Variants in ADAM22 observed in about 807,000 individuals in gnomAD.
ADAM22 encodes ADAM metallopeptidase domain 22.
A neutral mutation model predicts 144.6 loss-of-function variants in ADAM22; 65 were observed. The observed-to-expected ratio is 0.45, with a 90% CI of 0.37 to 0.55. The LOEUF (loss-of-function observed/expected upper bound fraction) is 0.55. Ranked by LOEUF, ADAM22 falls within the 20% of genes least tolerant of loss-of-function variation. The pLI is 0.00. For synonymous variants in ADAM22, 391 were observed against 412.6 expected, an observed-to-expected ratio of 0.95 and a Z score of 0.63; for missense variants, 974 against 1,184.9, an observed-to-expected ratio of 0.82 and a Z score of 2.61.
chr7:88,022,267 T>C (rs999869499), intron 3 of ADAM22, among the ~76,000 whole-genome samples: 1 of 152,148 alleles, frequency 6.6e-6, no homozygotes, highest in Non-Finnish European at 1.5e-5. Context: ...TAATGTGACC[T>C]CTGCTTTCTT....
chr7:88,166,014 T>A, intron 24 of ADAM22, 68 bp downstream of exon 24: 1 of 1,062,460 alleles, frequency 9.4e-7, no homozygotes, highest in Non-Finnish European at 1.3e-6. Context: ...TCTGAAAACT[T>A]TTATTTGAGT....
chr7:88,002,726 C>A (rs1382130889), intron 3 of ADAM22, among the ~76,000 whole-genome samples: 1 of 152,122 alleles, frequency 6.6e-6, no homozygotes, highest in Non-Finnish European at 1.5e-5. Context: ...GAAGAAGAAC[C>A]TTTTCCTTTA....
chr7:88,145,323 G>C, intron 16 of ADAM22, 92 bp from the exon 17 acceptor site: 1 of 1,485,984 alleles, frequency 6.7e-7, no homozygotes. Flanking sequence ...AAAAATTATT[G>C]TGAGTTTGTA....
intron 9 of ADAM22, 37 bp from the exon 10 acceptor site, chr7:88,130,350 AC>A: frequency 6.5e-7 from 1 of 1,530,168 alleles, no homozygotes; most frequent in Non-Finnish European, 9.0e-7. Flanking sequence ...TTTTCTGATC[AC>A]TTTGCAAGAC....
At chr7:88,101,407 G>A (rs1822890120) in intron 4 of ADAM22, among the ~76,000 whole-genome samples, 1 of 152,090 alleles carries the variant, frequency 6.6e-6, no homozygotes, top group Admixed American at 6.5e-5. Flanking sequence ...GTTTGGATCT[G>A]GAGGTGCCTA....
chr7:87,934,333 C>A lies in ADAM22; in HGVS notation c.-133C>A. The A allele has an allele frequency of 1.3e-6, 1 of 744,112 alleles. No individual in the cohort carries two copies. The highest frequency in any genetic ancestry group is 2.1e-6 in the Non-Finnish European group (1 of 486,840). The allele number at this position is 744,112 out of a possible 1,614,324, so 46.1% of individuals were successfully genotyped here. ...CGCGGTGGAGGTTGCAGCGCCACGG[C>A]CGCCGCAGCACCGGCCGGGGCTGGG... On this transcript the variant is annotated 5_prime_UTR_variant, in exon 1 of 32. Coordinates refer to ENST00000413139, the MANE Select transcript of ADAM22 (RefSeq NM_001324418.2).
At chr7:88,091,947 T>C (rs1025463195) in intron 4 of ADAM22, among the ~76,000 whole-genome samples, 7 of 151,952 alleles carry the variant, frequency 4.6e-5, no homozygotes, top group Non-Finnish European at 8.8e-5. Flanking sequence ...TTCTAAAGAC[T>C]CCCCCACCCC....
chr7:88,075,412 G>A (rs1209542101), intron 3 of ADAM22, among the ~76,000 whole-genome samples: 1 of 152,118 alleles, frequency 6.6e-6, no homozygotes, highest in African/African-American at 2.4e-5. Flanking sequence ...GTGACAGGTG[G>A]TGTAGGCAGT....
intron 3 of ADAM22, among the ~76,000 whole-genome samples, chr7:88,017,634 T>C (rs1161178105): frequency 6.6e-6 from 1 of 152,132 alleles, no homozygotes; most frequent in Non-Finnish European, 1.5e-5. Flanking sequence ...TGATATAAAA[T>C]ATATAAAGTA....
intron 25 of ADAM22, among the ~76,000 whole-genome samples, chr7:88,169,958 AACCT>A (rs1843899016): frequency 6.6e-6 from 1 of 152,010 alleles, no homozygotes; most frequent in Non-Finnish European, 1.5e-5. Context: ...ATCTTGGAAA[AACCT>A]ACCTTTTAGA....
chr7:88,004,185 G>A (rs1418656383), intron 3 of ADAM22, among the ~76,000 whole-genome samples: 2 of 152,130 alleles, frequency 1.3e-5, no homozygotes, highest in African/African-American at 4.8e-5. Flanking sequence ...CCATTTTCCT[G>A]TAATTTGGTA....
At chr7:88,087,316 G>T (rs779540315) in intron 4 of ADAM22, among the ~76,000 whole-genome samples, 1 of 152,028 alleles carries the variant, frequency 6.6e-6, no homozygotes, top group African/African-American at 2.4e-5. Flanking sequence ...AACTGAAATG[G>T]TGATCTACAT....
chr7:88,134,516 A>G, intron 13 of ADAM22, 97 bp downstream of exon 13: 1 of 820,268 alleles, frequency 1.2e-6, no homozygotes, highest in Non-Finnish European at 1.9e-6. Context: ...GCTTGATGAA[A>G]GGAATTTGAA....
rs2129494941 is a variant in ADAM22, at chr7:88,125,615, T to C, written c.634T>C (p.Ser212Pro). The change falls in exon 8 of 32, where the codon TCA (serine) becomes CCA (proline). Residue 212 changes from serine to proline, a missense_variant. Around this residue, in one of 2 missense-constraint regions of ADAM22, gnomAD observed 734 missense variants for 950.6 expected, o/e 0.77. Coordinates refer to ENST00000413139, the MANE Select transcript of ADAM22 (RefSeq NM_001324418.2). ...ATTTCAGCAAGTAAACATTACTCCA[T>C]CAAAATTTATTTTGAAGCCAAGACC... Reference protein sequence around the residue: ...SEFQQVNITPSKFILKPRPKR... With the variant: ...SEFQQVNITPPKFILKPRPKR... 2 of 1,595,516 alleles carry C rather than the reference T, an allele frequency of 1.3e-6. No homozygotes were observed. The highest frequency in any genetic ancestry group is 1.7e-6 in the Non-Finnish European group (2 of 1,171,670).
Position 88,201,790 on chromosome 7 carries a change from T to G in ADAM22, c.*5299T>G, listed in dbSNP as rs1851221630. On this transcript the variant is annotated 3_prime_UTR_variant, in exon 32 of 32. Transcript: ENST00000413139. ...AAAGGCATACAATGAGACGAATTCT[T>G]AAGATAATGCACATACAGAATCATC... The G allele has an allele frequency of 6.6e-6, 1 of 152,216 alleles. No homozygotes were observed. The highest frequency in any genetic ancestry group is 1.5e-5 in the Non-Finnish European group (1 of 68,036). The allele number at this position is 152,216 out of a possible 1,614,324, so 9.4% of individuals were successfully genotyped here.
chr7:88,113,556 C>T (rs1826624755), intron 5 of ADAM22, among the ~76,000 whole-genome samples: 1 of 149,150 alleles, frequency 6.7e-6, no homozygotes, highest in African/African-American at 2.5e-5. Context: ...TAGGAAGTGC[C>T]CACCTAGTAT....
intron 3 of ADAM22, among the ~76,000 whole-genome samples, chr7:88,060,596 T>A (rs950475365): frequency 6.7e-6 from 1 of 150,074 alleles, no homozygotes; most frequent in Non-Finnish European, 1.5e-5. Flanking sequence ...GTGAAACCCG[T>A]CTCTACTAAA....
intron 4 of ADAM22, among the ~76,000 whole-genome samples, chr7:88,091,475 A>C (rs1329970239): frequency 6.6e-6 from 1 of 152,204 alleles, no homozygotes; most frequent in Non-Finnish European, 1.5e-5. Context: ...TGAGATCAAT[A>C]CTAGTAACTG....
chr7:88,053,472 A>AAAT (rs201492312), intron 3 of ADAM22, among the ~76,000 whole-genome samples: 2,748 of 151,756 alleles, frequency 0.018, 22 homozygotes, highest in Non-Finnish European at 0.028. Flanking sequence ...CTCTCTCTCA[A>AAAT]AATAATAATA....
Sources: allele counts gnomAD v4.1 joint callset (sites outside exome capture counted in the v4.1 genomes callset), GRCh38; gene constraint gnomAD v4.1.1; regional missense constraint gnomAD v4.1.1; transcripts MANE v1.5; gene names NCBI Gene and HGNC (gene_info 2026-07-23, HGNC 2026-07-21).